Variants in NPAT observed in about 807,000 individuals in gnomAD.
NPAT encodes the protein nuclear protein, coactivator of histone transcription.
Under a neutral mutation model 130.7 loss-of-function variants are expected in NPAT, and 52 were observed. The ratio of observed to expected loss-of-function variants is 0.40; its 90% confidence interval spans 0.32 to 0.50. NPAT has a LOEUF of 0.50. Among genes scored for constraint, NPAT ranks in the 20% least tolerant of loss-of-function variants. NPAT has a pLI of 0.68. For synonymous variants in NPAT, 580 were observed against 584.8 expected (o/e 0.99, Z 0.12); for missense variants, 1,687 against 1,662.6 (o/e 1.01, Z -0.26).
intron 1 of NPAT, among the ~76,000 whole-genome samples, chr11:108,198,914 AC>A (rs2134877033): frequency 6.6e-6 from 1 of 152,286 alleles, no homozygotes; most frequent in Non-Finnish European, 1.5e-5. Flanking sequence ...AGATCTCAGA[AC>A]CTGCTGAATG....
chr11:108,193,906 T>C lies in NPAT; in HGVS notation c.217+51A>G, dbSNP rs1031633456. Reference sequence around the variant, plus strand: ...AGAAATCATTTTTAACTAAATCAAGTAGATAAATATTGTATACATCAGCAA... The same window carrying C: ...AGAAATCATTTTTAACTAAATCAAGCAGATAAATATTGTATACATCAGCAA... On this transcript the variant is annotated intron_variant, in intron 3 of 17. Coordinates refer to ENST00000278612, the MANE Select transcript of NPAT (RefSeq NM_002519.3). The C allele has an allele frequency of 4.8e-6, 5 of 1,048,724 alleles. No individual in the cohort carries two copies. In the Admixed American group the frequency reaches 5.3e-5, roughly 11 times the overall value. 65.0% of individuals were successfully genotyped at this position (1,048,724 alleles called of 1,614,324 possible).
intron 7 of NPAT, among the ~76,000 whole-genome samples, chr11:108,187,620 TA>T (rs1260550923): frequency 2.7e-5 from 4 of 149,752 alleles, no homozygotes; most frequent in Non-Finnish European, 5.9e-5. Context: ...ATAAACATTT[TA>T]AAACTATTAT....
At chr11:108,187,244 A>G (rs1050389691) in intron 7 of NPAT, among the ~76,000 whole-genome samples, 4 of 152,168 alleles carry the variant, frequency 2.6e-5, no homozygotes, top group African/African-American at 9.7e-5. Flanking sequence ...TGAAGCCAGG[A>G]GTTTCAGACC....
At chr11:108,184,133 G>C (rs568728717) in intron 10 of NPAT, among the ~76,000 whole-genome samples, 3 of 152,120 alleles carry the variant, frequency 2.0e-5, no homozygotes, top group Non-Finnish European at 2.9e-5. Flanking sequence ...AAGCCTCACA[G>C]GCAAGTTGTC....
intron 1 of NPAT, among the ~76,000 whole-genome samples, chr11:108,198,796 T>C (rs1446008980): frequency 3.3e-5 from 5 of 152,166 alleles, no homozygotes; most frequent in African/African-American, 1.2e-4. Flanking sequence ...TCTACTCACG[T>C]TGGGTCCCCT....
rs2077936035 is a variant in NPAT, at chr11:108,170,010, G to A, written c.2819C>T (p.Pro940Leu). Residue 940 changes from proline (P) to leucine (L), a missense_variant, in exon 14 of 18, where the codon CCT becomes CTT. By Grantham distance (98) the Pro-to-Leu change is moderately conservative. Around this residue, in one of 3 missense-constraint regions of NPAT, gnomAD observed 1,379 missense variants for 1,346.6 expected, o/e 1.02. Transcript: ENST00000278612. ...SAIIIASPVQ[P>L]VLQGMVGMIP... ...CATCCCTACCATTCCTTGGAGTACA[G>A]GCTGGACTGGAGAGGCAATTATTAT... is the stretch of plus-strand genomic sequence containing the variant. 6.2e-7 allele frequency: 1 copy of A among 1,613,428 alleles called. No homozygotes were observed. The highest frequency in any genetic ancestry group is 1.3e-5 in the African/African-American group (1 of 74,890).
chr11:108,161,066 C>A lies in NPAT; in HGVS notation c.4020G>T (p.Arg1340Ser). ...MAAHTLMILS[R>S]AAISRTTSAT... ...CTGAAGTAGTCCTAGAAATGGCTGC[C>A]CTGGAGAGAATCATTAATGTGTGGG... The change falls in exon 17 of 18, where the codon AGG becomes AGT. Residue 1340 changes from arginine to serine, a missense_variant. Transcript: ENST00000278612. 6.2e-7 allele frequency: 1 copy of A among 1,613,992 alleles called. No individual in the cohort carries two copies. The highest frequency in any genetic ancestry group is 8.5e-7 in the Non-Finnish European group (1 of 1,180,024).
chr11:108,222,389 T>C, intron 1 of NPAT, 111 bp downstream of exon 1: 1 of 1,140,930 alleles, frequency 8.8e-7, no homozygotes, highest in Non-Finnish European at 1.3e-6. Context: ...ACTCGTAAGC[T>C]GGGAGGCAAA....
chr11:108,189,049 T>C, intron 6 of NPAT, 57 bp downstream of exon 6: 3 of 1,335,930 alleles, frequency 2.2e-6, no homozygotes, highest in Non-Finnish European at 3.2e-6. Context: ...TAGTATATTA[T>C]CTCATTCATA....
rs529693409 is a variant in NPAT at position 108,188,999 on chromosome 11, T to C, written c.556+107A>G. 5.3e-5 allele frequency: 46 copies of C among 862,858 alleles called. No individual in the cohort carries two copies. In the Admixed American group the frequency reaches 8.9e-4, roughly 17 times the overall value. The allele number at this position is 862,858 out of a possible 1,614,324, so 53.5% of individuals were successfully genotyped here. A position where few individuals can be genotyped will look rare whatever the true frequency, so the allele number is the denominator to read the frequency against. ...CACTTTTAGTCTCTCTCATCTTTTA[T>C]GGGGGGGGCCATAATTTTACACTAT... is the stretch of plus-strand genomic sequence containing the variant. On this transcript the variant is annotated intron_variant, in intron 6 of 17. Transcript: ENST00000278612.
At chr11:108,203,250 A>C (rs1471906703) in intron 1 of NPAT, among the ~76,000 whole-genome samples, 1 of 152,112 alleles carries the variant, frequency 6.6e-6, no homozygotes, top group Non-Finnish European at 1.5e-5. Flanking sequence ...GATTACATGT[A>C]TAACATCTTT....
Position 108,169,925 on chromosome 11 carries a change from T to C in NPAT, c.2901+3A>G. ...CACACCATTTTCAGTTCATAAATCTTACCTGCCGAGGAGGAGTAGAAAAGT... is the reference window on the plus strand; with the variant it reads ...CACACCATTTTCAGTTCATAAATCTCACCTGCCGAGGAGGAGTAGAAAAGT... On this transcript the variant is annotated splice_donor_region_variant and intron_variant, in intron 14 of 17. Coordinates refer to ENST00000278612, the MANE Select transcript of NPAT (RefSeq NM_002519.3). 6.2e-7 allele frequency: 1 copy of C among 1,612,546 alleles called. No homozygotes were observed. Among genetic ancestry groups the C allele is most frequent in the Non-Finnish European group, 8.5e-7 (1 of 1,178,584 alleles).
Position 108,161,989 on chromosome 11 carries a change from C to T in NPAT, c.3097G>A (p.Ala1033Thr), listed in dbSNP as rs372296278. Reference sequence around the variant, plus strand: ...TCTGATTTTTTCCCAAGATCTGTGGCAATACTTTTGTCAGAAACTTCAGTT... The same window carrying T: ...TCTGATTTTTTCCCAAGATCTGTGGTAATACTTTTGTCAGAAACTTCAGTT... Reference protein sequence around the residue: ...QKTEVSDKSIATDLGKKSEET... With the variant: ...QKTEVSDKSITTDLGKKSEET... The change falls in exon 17 of 18, where the codon GCC becomes ACC. Residue 1033 changes from alanine to threonine, a missense_variant. Transcript: ENST00000278612. The T allele has an allele frequency of 1.9e-6, 3 of 1,608,260 alleles. No individual in the cohort carries two copies. In the South Asian group the frequency reaches 3.3e-5, roughly 18 times the overall value.
In NPAT at chr11:108,177,108, C is replaced by A. The variant is rs767312237; in HGVS notation, c.907-18G>T. The A allele has an allele frequency of 1.5e-6, 2 of 1,368,194 alleles. No homozygotes were observed. Among genetic ancestry groups the A allele is most frequent in the Admixed American group, 1.7e-5 (1 of 59,548 alleles). 84.8% of individuals were successfully genotyped at this position (1,368,194 alleles called of 1,614,324 possible). A position where few individuals can be genotyped will look rare whatever the true frequency, so the allele number is the denominator to read the frequency against. On this transcript the variant is annotated intron_variant, in intron 10 of 17. Transcript: ENST00000278612. ...ATTTCACTCTGCAAGAAAGGAGTGG[C>A]GTGAAGGCATGATTCTAACTGAATT...
At chr11:108,215,053 G>A (rs916477309) in intron 1 of NPAT, among the ~76,000 whole-genome samples, 6 of 152,148 alleles carry the variant, frequency 3.9e-5, no homozygotes, top group African/African-American at 1.2e-4. Flanking sequence ...CAGTCCCACA[G>A]ATACACATTG....
In NPAT at chr11:108,189,340, A is replaced by G. The variant is rs1351176409; in HGVS notation, c.332-10T>C. 3 of 1,613,836 alleles carry G rather than the reference A, an allele frequency of 1.9e-6. No individual in the cohort carries two copies. The highest frequency in any genetic ancestry group is 1.3e-5 in the African/African-American group (1 of 75,052). On this transcript the variant is annotated splice_polypyrimidine_tract_variant and intron_variant, in intron 5 of 17. Transcript: ENST00000278612. Reference sequence around the variant, plus strand: ...CCAGTTCTCGTTCGGGCTGAAACATATAAGCATTTAAAAAACAAATTCAAC... The same window carrying G: ...CCAGTTCTCGTTCGGGCTGAAACATGTAAGCATTTAAAAAACAAATTCAAC...
chr11:108,194,285 A>G (rs889864522), intron 2 of NPAT, among the ~76,000 whole-genome samples: 1 of 152,210 alleles, frequency 6.6e-6, no homozygotes, highest in African/African-American at 2.4e-5. Context: ...ACAGCTATAC[A>G]TACATGTACA....
intron 10 of NPAT, among the ~76,000 whole-genome samples, chr11:108,184,334 T>C (rs2078084257): frequency 6.6e-6 from 1 of 151,750 alleles, no homozygotes; most frequent in African/African-American, 2.4e-5. Context: ...TAGCCGGGCA[T>C]GGTGGTGGGC....
intron 10 of NPAT, 74 bp downstream of exon 10, chr11:108,185,158 A>C: frequency 2.9e-6 from 3 of 1,032,434 alleles, no homozygotes; most frequent in Non-Finnish European, 4.5e-6. Flanking sequence ...TGGTTTTGAA[A>C]TGAAACCAAA....
Sources: gnomAD v4.1 joint callset for allele counts (sites outside exome capture counted in the v4.1 genomes callset) on GRCh38, gnomAD v4.1.1 for gene constraint, gnomAD v4.1.1 regional missense constraint, MANE v1.5 for transcripts, NCBI Gene and HGNC (gene_info 2026-07-23, HGNC 2026-07-21) for gene names.